The following HERC6 variants were observed in gnomAD, a reference collection of about 807,000 sequenced individuals.
HERC6 encodes the protein probable E3 ubiquitin-protein ligase HERC6.
HERC6 carries 101 observed loss-of-function variants against 114.5 expected under a neutral mutation model. The observed-to-expected ratio is 0.88, with a 90% CI of 0.75 to 1.04. The LOEUF is 1.04. HERC6 is among the 50% of genes least tolerant of loss of function. HERC6 has a pLI of 0.00. For synonymous variants in HERC6, 408 were observed against 436.2 expected (o/e 0.94, Z 0.81); for missense variants, 1,133 against 1,230.9 (o/e 0.92, Z 1.19).
chr4:88,431,031 A>T, intron 16 of HERC6, 131 bp from the exon 17 acceptor site: 1 of 731,022 alleles, frequency 1.4e-6, no homozygotes, highest in Admixed American at 2.7e-5. Flanking sequence ...ACAGATTGCA[A>T]GGAGGTAAGG....
chr4:88,413,277 T>C lies in HERC6; in HGVS notation c.1558+11T>C. The stretch of plus-strand genomic sequence containing the variant: ...CTTTGCAAGTCCTAAGTAAGTTTTA[T>C]GTCACTTTATCTGTACTCTCAATAT... On this transcript the variant is annotated intron_variant, in intron 12 of 22. Transcript: ENST00000264346. The C allele has an allele frequency of 6.2e-7, 1 of 1,604,714 alleles. No individual in the cohort carries two copies. Among genetic ancestry groups the C allele is most frequent in the East Asian group, 2.2e-5 (1 of 44,752 alleles).
At chr4:88,394,518 C>G (rs1401257547) in intron 5 of HERC6, among the ~76,000 whole-genome samples, 1 of 144,426 alleles carries the variant, frequency 6.9e-6, no homozygotes, top group Non-Finnish European at 1.5e-5. Context: ...AGGAACTAAT[C>G]CCTTTTAGCA....
At chr4:88,390,533 T>A (rs1734852870) in intron 3 of HERC6, 119 bp from the exon 4 acceptor site, 1 of 905,702 alleles carries the variant, frequency 1.1e-6, no homozygotes, top group South Asian at 1.9e-5. Flanking sequence ...TAGATGAAAT[T>A]TTTATTTGTC....
intron 15 of HERC6, 69 bp from the exon 16 acceptor site, chr4:88,428,511 G>C: frequency 8.5e-7 from 1 of 1,170,146 alleles, no homozygotes; most frequent in Non-Finnish European, 1.2e-6. Flanking sequence ...TTTATTGGAA[G>C]TATTAAACAA....
At chr4:88,388,048 A>G (rs1734678427) in intron 3 of HERC6, among the ~76,000 whole-genome samples, 1 of 152,278 alleles carries the variant, frequency 6.6e-6, no homozygotes, top group Non-Finnish European at 1.5e-5. Context: ...GAGTTAAAAA[A>G]TAAAAGATGT....
intron 12 of HERC6, among the ~76,000 whole-genome samples, chr4:88,413,787 G>C (rs895495111): frequency 6.6e-6 from 1 of 152,154 alleles, no homozygotes; most frequent in African/African-American, 2.4e-5. Context: ...CTACATAGAG[G>C]AGAGGGGAGG....
rs768365558 is a variant in HERC6 at position 88,390,828 on chromosome 4, T to C, written c.613T>C (p.Trp205Arg). The change falls in exon 4 of 23, where the codon TGG becomes CGG. Residue 205 changes from tryptophan (W) to arginine (R), a missense_variant. Coordinates refer to ENST00000264346, the MANE Select transcript of HERC6 (RefSeq NM_017912.4). ...GTCTCTCTGTGGGACTTCGTTTGGC[T>C]GGGGAAGTAACAGTGCCGGGCAGCT... Reference protein sequence around the residue: ...ALSLCGTSFGWGSNSAGQLAL... With the variant: ...ALSLCGTSFGRGSNSAGQLAL... 2.5e-6 allele frequency: 4 copies of C among 1,614,150 alleles called. No homozygotes were observed. The highest frequency in any genetic ancestry group is 1.7e-5 in the Admixed American group (1 of 60,022).
At chr4:88,397,028 CCA>C (rs1192971187) in intron 7 of HERC6, 41 bp downstream of exon 7, 1 of 1,571,260 alleles carries the variant, frequency 6.4e-7, no homozygotes, top group Non-Finnish European at 8.7e-7. Context: ...TTCATCAATG[CCA>C]CTGGAAGAGA....
chr4:88,402,430 T>G (rs566123678), intron 8 of HERC6, among the ~76,000 whole-genome samples: 1 of 152,156 alleles, frequency 6.6e-6, no homozygotes, highest in Admixed American at 6.5e-5. Context: ...AAACATCCTA[T>G]GGTACACAGG....
chr4:88,406,827 G>A (rs761620455), intron 10 of HERC6, among the ~76,000 whole-genome samples: 2 of 150,924 alleles, frequency 1.3e-5, no homozygotes, highest in Non-Finnish European at 3.0e-5. Context: ...AGTGCAGCTC[G>A]GCTCACTGCA....
chr4:88,426,251 C>G, intron 15 of HERC6, among the ~76,000 whole-genome samples: 1 of 152,100 alleles, frequency 6.6e-6, no homozygotes, highest in East Asian at 1.9e-4. Context: ...TCACCACAAC[C>G]TCTGCCTCCC....
intron 3 of HERC6, among the ~76,000 whole-genome samples, chr4:88,385,951 T>C (rs1401727791): frequency 6.6e-6 from 1 of 152,166 alleles, no homozygotes; most frequent in African/African-American, 2.4e-5. Flanking sequence ...ATCATGACTC[T>C]ATATTTTTTC....
At position 88,423,714 on chromosome 4, in the gene HERC6, A is replaced by G. The variant is rs971018205; in HGVS notation, c.1714-146A>G. On this transcript the variant is annotated intron_variant, in intron 13 of 22. Transcript: ENST00000264346. ...GCTCAGAAAATGGAAACTTTATAGA[A>G]CTCTATTTCATCACTGACAAATGTT... The G allele has an allele frequency of 1.9e-5, 8 of 416,536 alleles. No homozygotes were observed. The Admixed American group carries it at 3.1e-4, about 16-fold the overall frequency. 25.8% of individuals were successfully genotyped at this position (416,536 alleles called of 1,614,324 possible).
At position 88,379,040 on chromosome 4, in the gene HERC6, C is replaced by A. The variant is rs535976149; in HGVS notation, c.119C>A (p.Thr40Asn). The A allele has an allele frequency of 1.9e-6, 3 of 1,563,574 alleles. No homozygotes were observed. In the East Asian group the frequency reaches 7.2e-5, roughly 37 times the overall value. Residue 40 changes from threonine to asparagine, a missense_variant, in exon 1 of 23, where the codon ACC becomes AAC. Coordinates refer to ENST00000264346, the MANE Select transcript of HERC6 (RefSeq NM_017912.4). The stretch of plus-strand genomic sequence containing the variant: ...GAGCGCCACTCTCTGCTGCTGCTGA[C>A]CAACCACAGGGTCCTCTCGTGCGGA... ...SGERHSLLLLTNHRVLSCGDN... is the reference protein window; with the variant it reads ...SGERHSLLLLNNHRVLSCGDN...
At chr4:88,389,198 G>T (rs1223146590) in intron 3 of HERC6, among the ~76,000 whole-genome samples, 2 of 152,106 alleles carry the variant, frequency 1.3e-5, no homozygotes, top group African/African-American at 4.8e-5. Flanking sequence ...GAATAGCAAA[G>T]GGTCTTGAGA....
At position 88,405,000 on chromosome 4, in the gene HERC6, G is replaced by T. The variant is rs776827037; in HGVS notation, c.1214+3G>T. On this transcript the variant is annotated splice_donor_region_variant and intron_variant, in intron 9 of 22. Transcript: ENST00000264346. The stretch of plus-strand genomic sequence containing the variant: ...ACTGAACATGAAATGGCTAAAAGGT[G>T]GCTCTGTCTGATAAATTATAAGCCA... 6.2e-7 allele frequency: 1 copy of T among 1,611,868 alleles called. No homozygotes were observed. Among genetic ancestry groups the T allele is most frequent in the Admixed American group, 1.7e-5 (1 of 59,682 alleles).
At chr4:88,441,306 C>T (rs898808081) in intron 22 of HERC6, among the ~76,000 whole-genome samples, 3 of 152,202 alleles carry the variant, frequency 2.0e-5, no homozygotes, top group Non-Finnish European at 4.4e-5. Flanking sequence ...TTATTCTGTG[C>T]CATGCACTAT....
chr4:88,433,256 G>A lies in HERC6; in HGVS notation c.2250+1951G>A, dbSNP rs188611637. Among the ~76,000 whole-genome samples, 633 of 152,238 alleles carry A rather than the reference G, an allele frequency of 4.2e-3. 2 individuals carry two copies. The highest frequency in any genetic ancestry group is 0.015 in the African/African-American group (605 of 41,532). ...TGGAACTTCCCACTTGTGGCATCAT[G>A]TTGGCACTCAAAAAGTTTCCGATTT... is the stretch of plus-strand genomic sequence containing the variant. On this transcript the variant is annotated intron_variant, in intron 17 of 22. Coordinates refer to ENST00000264346, the MANE Select transcript of HERC6 (RefSeq NM_017912.4).
At chr4:88,414,002 GATGGC>G (rs767921499) in intron 12 of HERC6, among the ~76,000 whole-genome samples, 3 of 152,160 alleles carry the variant, frequency 2.0e-5, no homozygotes, top group Non-Finnish European at 4.4e-5. Context: ...TAATTTCAGA[GATGGC>G]ATGAAAGGCA....
Sources: gnomAD v4.1 joint callset for allele counts (sites outside exome capture counted in the v4.1 genomes callset) on GRCh38, gnomAD v4.1.1 for gene constraint, MANE v1.5 for transcripts, NCBI Gene and HGNC (gene_info 2026-07-23, HGNC 2026-07-21) for gene names.